EZR: variants seen among roughly 807,000 people sequenced by gnomAD.
EZR encodes ezrin, also known as cytovillin 2.
Under a neutral mutation model 74.8 loss-of-function variants are expected in EZR, and 40 were observed. That is an observed-to-expected ratio of 0.53 (90% CI 0.42 to 0.70). The LOEUF (loss-of-function observed/expected upper bound fraction) is 0.70, where lower values mean the gene tolerates loss of function less well. EZR is among the 30% of genes least tolerant of loss of function. The pLI is 0.00. For missense variants in EZR, 678 were observed against 755.8 expected, an observed-to-expected ratio of 0.90 and a Z score of 1.21; for synonymous variants, 341 against 283.3, an observed-to-expected ratio of 1.20 and a Z score of -2.05.
intron 8 of EZR, among the ~76,000 whole-genome samples, chr6:158,771,831 C>CT (rs1436114067): frequency 6.6e-6 from 1 of 152,208 alleles, no homozygotes; most frequent in East Asian, 1.9e-4. Flanking sequence ...TCATGATGTC[C>CT]TCTCCAGCCT....
rs188249634 is a variant in EZR, at chr6:158,766,651, A to G, written c.*263T>C. The G allele has an allele frequency of 9.2e-6, 4 of 433,156 alleles. No homozygotes were observed. The highest frequency in any genetic ancestry group is 4.0e-5 in the Admixed American group (1 of 25,114). The allele number at this position is 433,156 out of a possible 1,614,324, so 26.8% of individuals were successfully genotyped here. A position where few individuals can be genotyped will look rare whatever the true frequency, so the allele number is the denominator to read the frequency against. On this transcript the variant is annotated 3_prime_UTR_variant, in exon 14 of 14. Coordinates refer to ENST00000367075, the MANE Select transcript of EZR (RefSeq NM_001111077.2). ...CTTTACAGGCATTTTCCGTAATTCA[A>G]TCAGTCCTGCTCCCAGCACAACACA...
intron 4 of EZR, 149 bp downstream of exon 4, chr6:158,786,959 G>A: frequency 1.6e-6 from 1 of 612,916 alleles, no homozygotes; most frequent in South Asian, 2.0e-5. Flanking sequence ...TCCATTTACT[G>A]GAAACCTGCA....
At chr6:158,769,239 A>G in intron 12 of EZR, 87 bp downstream of exon 12, 1 of 1,155,196 alleles carries the variant, frequency 8.7e-7, no homozygotes, top group African/African-American at 1.5e-5. Flanking sequence ...CTCTCCCCCA[A>G]CCCACCCACC....
intron 1 of EZR, among the ~76,000 whole-genome samples, 175 bp downstream of exon 1, chr6:158,819,134 AGGTCGCGG>A (rs1324707788): frequency 6.7e-6 from 1 of 150,242 alleles, no homozygotes; most frequent in East Asian, 2.0e-4. Context: ...GCCGAGGGGA[AGGTCGCGG>A]GGCCGCGGGC....
At chr6:158,791,691 G>A (rs1352506362) in intron 2 of EZR, among the ~76,000 whole-genome samples, 6 of 143,350 alleles carry the variant, frequency 4.2e-5, no homozygotes, top group African/African-American at 1.6e-4. Context: ...CCATGCACAC[G>A]AGATTTCAGA....
rs1463021657 is a variant in EZR at position 158,767,380 on chromosome 6, C to T, written c.1477G>A (p.Gly493Ser). The change falls in exon 13 of 14, where the codon GGC (glycine) becomes AGC (serine). Residue 493 changes from glycine to serine, a missense_variant. Gly to Ser is a moderately conservative substitution (Grantham distance 56, BLOSUM62 0). Coordinates refer to ENST00000367075, the MANE Select transcript of EZR (RefSeq NM_001111077.2). Reference sequence around the variant, plus strand: ...GCGCTGTAGCCCGTGGGCTCTGCGCCCTCATCCTGCAAGCTCTCCTGGACA... The same window carrying T: ...GCGCTGTAGCCCGTGGGCTCTGCGCTCTCATCCTGCAAGCTCTCCTGGACA... ...YHVQESLQDE[G>S]AEPTGYSAEL... 5.0e-6 allele frequency: 8 copies of T among 1,614,062 alleles called. No homozygotes were observed. The South Asian group carries it at 6.6e-5, about 13-fold the overall frequency.
intron 11 of EZR, 131 bp from the exon 12 acceptor site, chr6:158,769,549 T>C (rs1351599458): frequency 6.7e-6 from 7 of 1,041,882 alleles, no homozygotes; most frequent in Admixed American, 2.0e-5. Context: ...CCCCACTCCA[T>C]GGCCAGCAGG....
At position 158,766,391 on chromosome 6, in the gene EZR, C is replaced by A. The variant is rs190961486; in HGVS notation, c.*523G>T. 6.6e-6 allele frequency: 1 copy of A among 152,468 alleles called. No individual in the cohort carries two copies. Among genetic ancestry groups the A allele is most frequent in the East Asian group, 1.9e-4 (1 of 5,192 alleles). 9.4% of individuals were successfully genotyped at this position (152,468 alleles called of 1,614,324 possible). On this transcript the variant is annotated 3_prime_UTR_variant, in exon 14 of 14. Transcript: ENST00000367075. ...GCTCTCTGCCAGCTGCGTGGAGTGA[C>A]GGGAGGAGGGAATCACTGTGTGTGC...
chr6:158,798,622 C>CTTTTT (rs147757313), intron 2 of EZR, among the ~76,000 whole-genome samples: 3 of 122,204 alleles, frequency 2.5e-5, no homozygotes, highest in East Asian at 2.6e-4. Flanking sequence ...TGCTGCTCCG[C>CTTTTT]TTTTTTTTTT....
At chr6:158,792,544 C>A (rs1379420186) in intron 2 of EZR, among the ~76,000 whole-genome samples, 1 of 84,774 alleles carries the variant, frequency 1.2e-5, no homozygotes, top group African/African-American at 6.4e-5. Context: ...TAAAAATTGG[C>A]TGGGCACAGT....
intron 2 of EZR, among the ~76,000 whole-genome samples, chr6:158,789,902 G>A (rs1335120633): frequency 1.3e-5 from 2 of 152,222 alleles, no homozygotes; most frequent in Non-Finnish European, 2.9e-5. Context: ...TTATAGGCAT[G>A]GGCCACCCTG....
Position 158,767,436 on chromosome 6 carries a change from G to A in EZR, c.1421C>T (p.Pro474Leu), listed in dbSNP as rs370231777. The change falls in exon 13 of 14, where the codon CCA (proline) becomes CTA (leucine). Residue 474 changes from proline (P) to leucine (L), a missense_variant. This residue lies in a region of EZR where 342 missense variants were observed against 341.2 expected (regional missense o/e 1.00). Transcript: ENST00000367075. ...GCTCACCGGCTCGTACACGGGGGGTGGTGGGGGCGGGGGTGCTGTCATCAC... is the reference window on the plus strand; with the variant it reads ...GCTCACCGGCTCGTACACGGGGGGTAGTGGGGGCGGGGGTGCTGTCATCAC... Reference protein sequence around the residue: ...HLVMTAPPPPPPPVYEPVSYH... With the variant: ...HLVMTAPPPPLPPVYEPVSYH... The A allele has an allele frequency of 6.2e-6, 10 of 1,613,248 alleles. No individual in the cohort carries two copies. Among genetic ancestry groups the A allele is most frequent in the Non-Finnish European group, 8.5e-6 (10 of 1,179,560 alleles).
In EZR at chr6:158,810,763, A is replaced by G. The variant is rs1777436399; in HGVS notation, c.12+7319T>C. Reference sequence around the variant, plus strand: ...TTTACCTAACAGGGTTAAGTTTGAAAAACATTTGCGGGGTAGGGAAACACA... The same window carrying G: ...TTTACCTAACAGGGTTAAGTTTGAAGAACATTTGCGGGGTAGGGAAACACA... On this transcript the variant is annotated intron_variant, in intron 2 of 13. Coordinates refer to ENST00000367075, the MANE Select transcript of EZR (RefSeq NM_001111077.2). Among the ~76,000 whole-genome samples, 4 of 152,352 alleles carry G rather than the reference A, an allele frequency of 2.6e-5. No individual in the cohort carries two copies. The South Asian group carries it at 8.3e-4, about 32-fold the overall frequency.
At chr6:158,786,959 G>T in intron 4 of EZR, 149 bp downstream of exon 4, 1 of 612,916 alleles carries the variant, frequency 1.6e-6, no homozygotes, top group Non-Finnish European at 2.9e-6. Context: ...TCCATTTACT[G>T]GAAACCTGCA....
Position 158,766,702 on chromosome 6 carries a change from G to A in EZR, c.*212C>T. The A allele has an allele frequency of 3.4e-6, 2 of 592,726 alleles. No individual in the cohort carries two copies. The highest frequency in any genetic ancestry group is 6.0e-6 in the Non-Finnish European group (2 of 333,180). 36.7% of individuals were successfully genotyped at this position (592,726 alleles called of 1,614,324 possible). A position where few individuals can be genotyped will look rare whatever the true frequency, so the allele number is the denominator to read the frequency against. On this transcript the variant is annotated 3_prime_UTR_variant, in exon 14 of 14. Transcript: ENST00000367075. ...GGAGGTGATTCGAGAATAATCGCGAGAATCAGGCCTGCTTGGCACTATTAC... is the reference window on the plus strand; with the variant it reads ...GGAGGTGATTCGAGAATAATCGCGAAAATCAGGCCTGCTTGGCACTATTAC...
Position 158,769,421 on chromosome 6 carries a change from G to A in EZR, c.1252-3C>T. ...GTGTATTCTGCAAGCTCCGCAGCCT[G>A]GGAAGGGAATGCCAAGCTCACGTCA... On this transcript the variant is annotated splice_region_variant and splice_polypyrimidine_tract_variant and intron_variant, in intron 11 of 13. Coordinates refer to ENST00000367075, the MANE Select transcript of EZR (RefSeq NM_001111077.2). 6.2e-7 allele frequency: 1 copy of A among 1,604,690 alleles called. No individual in the cohort carries two copies. The highest frequency in any genetic ancestry group is 8.5e-7 in the Non-Finnish European group (1 of 1,179,866).
Position 158,767,319 on chromosome 6 carries a change from T to A in EZR, c.1538A>T (p.Asn513Ile). 1 of 1,614,172 alleles carries A rather than the reference T, an allele frequency of 6.2e-7. No homozygotes were observed. The highest frequency in any genetic ancestry group is 8.5e-7 in the Non-Finnish European group (1 of 1,180,026). ...TGCCTCAGTGATGCGCTTCTCCTCA[T>A]TGCGGTCATCCCGGATGCCCTCACT... ...LSSEGIRDDRNEEKRITEAEK... is the reference protein window; with the variant it reads ...LSSEGIRDDRIEEKRITEAEK... Residue 513 changes from asparagine to isoleucine, a missense_variant, in exon 13 of 14, where the codon AAT becomes ATT. Asn to Ile is a moderately radical substitution (Grantham distance 149). This residue lies in a region of EZR where 342 missense variants were observed against 341.2 expected (regional missense o/e 1.00). Transcript: ENST00000367075.
At chr6:158,794,297 G>C (rs1583576074) in intron 2 of EZR, among the ~76,000 whole-genome samples, 1 of 151,950 alleles carries the variant, frequency 6.6e-6, no homozygotes. Flanking sequence ...ACCACCACCA[G>C]CACTACCACC....
At chr6:158,805,733 G>C (rs930207896) in intron 2 of EZR, among the ~76,000 whole-genome samples, 1 of 152,064 alleles carries the variant, frequency 6.6e-6, no homozygotes, top group African/African-American at 2.4e-5. Context: ...TATACTGTCA[G>C]TATCAAGTAT....
Sources: allele counts gnomAD v4.1 joint callset (sites outside exome capture counted in the v4.1 genomes callset), GRCh38; gene constraint gnomAD v4.1.1; regional missense constraint gnomAD v4.1.1; transcripts MANE v1.5; gene names NCBI Gene and HGNC (gene_info 2026-07-23, HGNC 2026-07-21).